Variants in CLIP1 observed in about 807,000 individuals in gnomAD.
CLIP1 encodes CAP-Gly domain-containing linker protein 1.
A neutral mutation model predicts 161.6 loss-of-function variants in CLIP1; 66 were observed. The ratio of observed to expected loss-of-function variants is 0.41; its 90% CI spans 0.33 to 0.50. The LOEUF (loss-of-function observed/expected upper bound fraction) is 0.50, where lower values mean the gene tolerates loss of function less well. CLIP1 is among the 20% of genes least tolerant of loss of function. The probability of loss-of-function intolerance (pLI) is 0.27; values close to 1 mark genes in which losing one functional copy is unlikely to be tolerated. For synonymous variants in CLIP1, 598 were observed against 626.2 expected, an observed-to-expected ratio of 0.96 and a Z score of 0.67; for missense variants, 1,376 against 1,702.0, an observed-to-expected ratio of 0.81 and a Z score of 3.37.
At chr12:122,341,962 T>G (rs1394242933) in intron 10 of CLIP1, 1 of 228,634 alleles carries the variant, frequency 4.4e-6, no homozygotes, top group East Asian at 9.2e-5. Context: ...TTTTGCATTT[T>G]TAGTAGAGAT....
At chr12:122,321,598 A>T (rs1298057247) in intron 17 of CLIP1, among the ~76,000 whole-genome samples, 1 of 151,912 alleles carries the variant, frequency 6.6e-6, no homozygotes, top group Non-Finnish European at 1.5e-5. Flanking sequence ...GGTTTCCTGC[A>T]ACTTCTGCCT....
chr12:122,306,495 A>G (rs879545835), intron 20 of CLIP1, among the ~76,000 whole-genome samples: 1 of 152,136 alleles, frequency 6.6e-6, no homozygotes, highest in Non-Finnish European at 1.5e-5. Flanking sequence ...TATGATTCCT[A>G]CTTTCTCACT....
intron 20 of CLIP1, among the ~76,000 whole-genome samples, chr12:122,293,326 G>C (rs182292623): frequency 1.8e-3 from 281 of 152,178 alleles, no homozygotes; most frequent in Admixed American, 3.9e-3. Flanking sequence ...CATCCCAGTG[G>C]TTCCCTAGTT....
intron 1 of CLIP1, among the ~76,000 whole-genome samples, chr12:122,391,105 T>TA (rs1468192669): frequency 6.6e-6 from 1 of 151,202 alleles, no homozygotes; most frequent in Non-Finnish European, 1.5e-5. Context: ...CTGGCCAACA[T>TA]AGCGAAACCC....
chr12:122,371,832 G>C (rs1486510242), intron 3 of CLIP1, among the ~76,000 whole-genome samples: 1 of 152,218 alleles, frequency 6.6e-6, no homozygotes, highest in Non-Finnish European at 1.5e-5. Context: ...ACGATGACCT[G>C]CTAAAATGTG....
At position 122,360,781 on chromosome 12, in the gene CLIP1, G is replaced by A. The variant is rs559851752; in HGVS notation, c.1005+178C>T. ...AAAGCACTTTCTGATTTCAAAAAAC[G>A]CATTCTTGCTGGAGTTACATTTTTC... On this transcript the variant is annotated intron_variant, in intron 5 of 25. Transcript: ENST00000620786. The A allele has an allele frequency of 3.0e-4, 162 of 545,884 alleles. 3 individuals are homozygous for A. In the South Asian group the frequency reaches 4.2e-3, roughly 14 times the overall value. The allele number at this position is 545,884 out of a possible 1,614,324, so 33.8% of individuals were successfully genotyped here. A position where few individuals can be genotyped will look rare whatever the true frequency, so the allele number is the denominator to read the frequency against.
intron 24 of CLIP1, chr12:122,276,834 T>C (rs1955447783): frequency 5.4e-6 from 1 of 185,032 alleles, no homozygotes; most frequent in East Asian, 1.6e-4. Flanking sequence ...GACAGGGCCT[T>C]GCTCTGTCAC....
At chr12:122,382,961 ACT>A (rs893725683) in intron 1 of CLIP1, among the ~76,000 whole-genome samples, 1 of 152,030 alleles carries the variant, frequency 6.6e-6, no homozygotes. Flanking sequence ...TTACTGTCAG[ACT>A]CTCACCACAC....
chr12:122,390,288 A>ATATATATATATATATG (rs1230362677), intron 1 of CLIP1, among the ~76,000 whole-genome samples: 1 of 131,726 alleles, frequency 7.6e-6, no homozygotes, highest in Non-Finnish European at 1.6e-5. Flanking sequence ...ACATATATAT[A>ATATATATATATATATG]TATATATATA....
At chr12:122,354,137 G>A (rs1953203278) in intron 7 of CLIP1, among the ~76,000 whole-genome samples, 1 of 151,254 alleles carries the variant, frequency 6.6e-6, no homozygotes, top group Non-Finnish European at 1.5e-5. Flanking sequence ...GCTCACACCT[G>A]TAATCCCAGC....
chr12:122,313,877 C>G (rs1404548834), intron 19 of CLIP1, among the ~76,000 whole-genome samples: 1 of 152,120 alleles, frequency 6.6e-6, no homozygotes, highest in Admixed American at 6.5e-5. Flanking sequence ...CTCCTAAGAG[C>G]CAGGTGCAGT....
intron 1 of CLIP1, among the ~76,000 whole-genome samples, chr12:122,385,343 C>T (rs977563540): frequency 5.3e-5 from 8 of 152,122 alleles, no homozygotes; most frequent in Non-Finnish European, 8.8e-5. Flanking sequence ...AAAGGAGTGA[C>T]GGCAACGGAT....
At chr12:122,373,716 T>C (rs1174705839) in intron 3 of CLIP1, among the ~76,000 whole-genome samples, 1 of 152,138 alleles carries the variant, frequency 6.6e-6, no homozygotes, top group South Asian at 2.1e-4. Flanking sequence ...GTATAGTACA[T>C]CCAAAGAGTA....
At chr12:122,345,803 G>GA (rs770502021) in intron 10 of CLIP1, among the ~76,000 whole-genome samples, 6 of 127,382 alleles carry the variant, frequency 4.7e-5, no homozygotes, top group Non-Finnish European at 9.9e-5. Flanking sequence ...TTTTTTTTTT[G>GA]AGACAGAGTT....
At position 122,370,230 on chromosome 12, in the gene CLIP1, T is replaced by C. The variant is rs867801215; in HGVS notation, c.658-6123A>G. On this transcript the variant is annotated intron_variant, in intron 3 of 25. Transcript: ENST00000620786. ...AGGGGCCAGTGTAGCTGAAGCAGAG[T>C]GAGAAAGGGGTGTGAGAAGGACAAG... Among the ~76,000 whole-genome samples, 5 of 116,972 alleles carry C rather than the reference T, an allele frequency of 4.3e-5. No homozygotes were observed. In the Middle Eastern group the frequency reaches 0.016, roughly 384 times the overall value. 76.7% of individuals were successfully genotyped at this position (116,972 alleles called of 152,430 possible). A position where few individuals can be genotyped will look rare whatever the true frequency, so the allele number is the denominator to read the frequency against.
At chr12:122,339,338 G>T (rs1952384437) in intron 11 of CLIP1, among the ~76,000 whole-genome samples, 1 of 151,472 alleles carries the variant, frequency 6.6e-6, no homozygotes, top group East Asian at 1.9e-4. Context: ...CACAGCATGG[G>T]TTTTTTTTTG....
chr12:122,366,396 G>C (rs1954172404), intron 3 of CLIP1, among the ~76,000 whole-genome samples: 1 of 151,978 alleles, frequency 6.6e-6, no homozygotes. Flanking sequence ...TGAGGTGGGA[G>C]GATCGCTGGA....
intron 18 of CLIP1, 41 bp from the exon 19 acceptor site, chr12:122,316,896 T>A (rs747070363): frequency 2.5e-6 from 3 of 1,201,342 alleles, no homozygotes; most frequent in South Asian, 3.0e-5. Flanking sequence ...AATTATTTCA[T>A]TTTCCAGTGA....
rs190753389 is a variant in CLIP1, at chr12:122,365,423, C to T, written c.658-1316G>A. The T allele has an allele frequency of 2.4e-4, 187 of 786,272 alleles. 1 individual carries two copies. The Middle Eastern group carries it at 4.5e-3, about 19-fold the overall frequency. The allele number at this position is 786,272 out of a possible 1,614,324, so 48.7% of individuals were successfully genotyped here. A position where few individuals can be genotyped will look rare whatever the true frequency, so the allele number is the denominator to read the frequency against. ...GATTCTTGCCAAGAGAAATAATGTG[C>T]GTATGGAGCACATTAAGCACTCTAA... On this transcript the variant is annotated intron_variant, in intron 3 of 25. Coordinates refer to ENST00000620786, the MANE Select transcript of CLIP1 (RefSeq NM_001247997.2).
Sources: gnomAD v4.1 joint callset for allele counts (sites outside exome capture counted in the v4.1 genomes callset) on GRCh38, gnomAD v4.1.1 for gene constraint, MANE v1.5 for transcripts, NCBI Gene and HGNC (gene_info 2026-07-23, HGNC 2026-07-21) for gene names.